The following KIRREL3 variants were observed in gnomAD, a reference collection of about 807,000 sequenced individuals.
The protein encoded by KIRREL3 is kin of IRRE-like protein 3.
Under a neutral mutation model 89.7 loss-of-function variants are expected in KIRREL3, and 36 were observed. The observed-to-expected ratio is 0.40, with a 90% CI of 0.31 to 0.53. The LOEUF is 0.53. KIRREL3 is among the 20% of genes least tolerant of loss of function. The pLI is 0.49. For missense variants in KIRREL3, 864 were observed against 1,056.6 expected (o/e 0.82, Z 2.53); for synonymous variants, 445 against 441.4 (o/e 1.01, Z -0.10).
chr11:126,702,465 G>A (rs1210491282), intron 1 of KIRREL3, among the ~76,000 whole-genome samples: 3 of 152,186 alleles, frequency 2.0e-5, no homozygotes, highest in Admixed American at 2.0e-4. Flanking sequence ...ATGCTCCAAT[G>A]ACAGAGCCTC....
intron 1 of KIRREL3, among the ~76,000 whole-genome samples, chr11:126,720,250 G>A (rs542497639): frequency 1.3e-5 from 2 of 152,222 alleles, no homozygotes; most frequent in African/African-American, 4.8e-5. Flanking sequence ...GCTCAAAATA[G>A]TAGGTGCCAA....
chr11:126,919,105 G>A (rs1483509231), intron 1 of KIRREL3, among the ~76,000 whole-genome samples: 1 of 151,758 alleles, frequency 6.6e-6, no homozygotes, highest in Non-Finnish European at 1.5e-5. Flanking sequence ...CATCAACTTA[G>A]GTTTTCATAC....
chr11:126,822,349 G>GT lies in KIRREL3; in HGVS notation c.55+178105dup, dbSNP rs1943254002. Reference sequence around the variant, plus strand: ...AACATAACTATGCTTATTATTTGTTGTATGGGAAGGAGAAGGAGCCTTGGT... The same window carrying GT: ...AACATAACTATGCTTATTATTTGTTGTTATGGGAAGGAGAAGGAGCCTTGGT... On this transcript the variant is annotated intron_variant, in intron 1 of 16. Transcript: ENST00000525144. 1.3e-5 allele frequency among the ~76,000 whole-genome samples: 2 copies of GT among 152,172 alleles called. 1 individual carries two copies. Among genetic ancestry groups the GT allele is most frequent in the South Asian group, 4.2e-4 (2 of 4,818 alleles).
At chr11:126,893,252 C>T (rs1374427403) in intron 1 of KIRREL3, among the ~76,000 whole-genome samples, 1 of 152,126 alleles carries the variant, frequency 6.6e-6, no homozygotes, top group Non-Finnish European at 1.5e-5. Flanking sequence ...TGTCTGATGC[C>T]CCGGAACGTC....
intron 1 of KIRREL3, among the ~76,000 whole-genome samples, chr11:126,966,272 G>A (rs932116207): frequency 6.6e-6 from 1 of 152,136 alleles, no homozygotes; most frequent in African/African-American, 2.4e-5. Flanking sequence ...ATTTAATAAT[G>A]TAAAAGGAAA....
chr11:126,857,339 CTTGCAGAGAACAGGAA>C (rs1350849513), intron 1 of KIRREL3, among the ~76,000 whole-genome samples: 1 of 152,270 alleles, frequency 6.6e-6, no homozygotes, highest in Non-Finnish European at 1.5e-5. Context: ...CCTGCCCCAA[CTTGCAGAGAACAGGAA>C]TTGCTTGGCA....
chr11:126,830,295 A>G lies in KIRREL3; in HGVS notation c.55+170160T>C, dbSNP rs1943562784. On this transcript the variant is annotated intron_variant, in intron 1 of 16. Transcript: ENST00000525144. The surrounding 1 kb of genome is among the most constrained non-coding windows in gnomAD (Gnocchi z 4.9). ...GCAGCTGCAAATATTCATTAATAAT[A>G]TTTTGTTTGGGTTCCCACTTGCCAC... Among the ~76,000 whole-genome samples the G allele has an allele frequency of 6.6e-6, 1 of 152,310 alleles. No individual in the cohort carries two copies. The highest frequency in any genetic ancestry group is 1.5e-5 in the Non-Finnish European group (1 of 68,028).
rs1424310929 is a variant in KIRREL3, at chr11:126,601,533, T to C, written c.56-38621A>G. Among the ~76,000 whole-genome samples the C allele has an allele frequency of 1.3e-5, 2 of 152,204 alleles. No homozygotes were observed. Among genetic ancestry groups the C allele is most frequent in the Non-Finnish European group, 2.9e-5 (2 of 68,036 alleles). Reference sequence around the variant, plus strand: ...AATTTACCTTTGAATTTGAAGGCTATTTTCTTCCTAAATGGCTAATTATGG... The same window carrying C: ...AATTTACCTTTGAATTTGAAGGCTACTTTCTTCCTAAATGGCTAATTATGG... On this transcript the variant is annotated intron_variant, in intron 1 of 16. Coordinates refer to ENST00000525144, the MANE Select transcript of KIRREL3 (RefSeq NM_032531.4). This position sits in a 1 kb window ranked among gnomAD's most constrained non-coding sequence, Gnocchi z 5.8.
chr11:126,834,314 T>G (rs1943706355), intron 1 of KIRREL3, among the ~76,000 whole-genome samples: 1 of 152,196 alleles, frequency 6.6e-6, no homozygotes, highest in Admixed American at 6.5e-5. Flanking sequence ...TCCACACAAC[T>G]GCAGCCACCA....
chr11:126,910,080 G>A (rs2134897919), intron 1 of KIRREL3, among the ~76,000 whole-genome samples: 1 of 152,176 alleles, frequency 6.6e-6, no homozygotes, highest in East Asian at 1.9e-4. Context: ...ACCCAACTTG[G>A]CCCTGAGTCC....
chr11:126,707,478 T>C (rs965499855), intron 1 of KIRREL3, among the ~76,000 whole-genome samples: 4 of 152,180 alleles, frequency 2.6e-5, no homozygotes, highest in African/African-American at 9.6e-5. Context: ...AAACACTGCT[T>C]GGTCATATAC....
In KIRREL3 at chr11:126,804,764, T is replaced by G. The variant is rs571645541; in HGVS notation, c.55+195691A>C. ...TAACTGAAAATCATAGATCACAACC[T>G]TTTTTCCAAGCAGTGGCTCACAACC... On this transcript the variant is annotated intron_variant, in intron 1 of 16. Coordinates refer to ENST00000525144, the MANE Select transcript of KIRREL3 (RefSeq NM_032531.4). Among the ~76,000 whole-genome samples the G allele has an allele frequency of 3.9e-5, 6 of 152,252 alleles. No individual in the cohort carries two copies. The South Asian group carries it at 1.2e-3, about 32-fold the overall frequency.
intron 1 of KIRREL3, among the ~76,000 whole-genome samples, chr11:126,833,890 C>A (rs955685663): frequency 6.6e-6 from 1 of 152,294 alleles, no homozygotes; most frequent in Admixed American, 6.5e-5. Context: ...AGAATTAACA[C>A]CCTGCTGCTT....
chr11:126,502,891 G>T (rs1357466909), intron 4 of KIRREL3, among the ~76,000 whole-genome samples: 2 of 152,152 alleles, frequency 1.3e-5, no homozygotes, highest in African/African-American at 4.8e-5. Context: ...TCTTGCGATG[G>T]AATCCATTTA....
chr11:126,606,226 ATAT>A lies in KIRREL3; in HGVS notation c.56-43317_56-43315del, dbSNP rs1383200413. ...AGTCACTAGTATTATTAATGTTAAA[ATAT>A]TATTTTTATGAAGGCACAGTTTAGT... On this transcript the variant is annotated intron_variant, in intron 1 of 16. Transcript: ENST00000525144. The surrounding 1 kb of genome is among the most constrained non-coding windows in gnomAD (Gnocchi z 4.6). Among the ~76,000 whole-genome samples the A allele has an allele frequency of 6.6e-6, 1 of 152,176 alleles. No individual in the cohort carries two copies. Among genetic ancestry groups the A allele is most frequent in the Non-Finnish European group, 1.5e-5 (1 of 68,030 alleles).
Position 126,530,848 on chromosome 11 carries a change from T to G in KIRREL3, c.134-4161A>C, listed in dbSNP as rs1446312518. Among the ~76,000 whole-genome samples the G allele has an allele frequency of 6.6e-6, 1 of 152,104 alleles. No individual in the cohort carries two copies. Among genetic ancestry groups the G allele is most frequent in the African/African-American group, 2.4e-5 (1 of 41,404 alleles). On this transcript the variant is annotated intron_variant, in intron 2 of 16. Transcript: ENST00000525144. The surrounding 1 kb of genome is among the most constrained non-coding windows in gnomAD (Gnocchi z 5.8). ...TTTATTTTTATTTTTCTTTTTTTTT[T>G]GAGACGGAGTCTGACTTTGTTGCCC... is the stretch of plus-strand genomic sequence containing the variant.
rs1000224506 is a variant in KIRREL3 at position 126,686,809 on chromosome 11, C to T, written c.56-123897G>A. Among the ~76,000 whole-genome samples, 2 of 152,158 alleles carry T rather than the reference C, an allele frequency of 1.3e-5. No homozygotes were observed. Among genetic ancestry groups the T allele is most frequent in the Non-Finnish European group, 2.9e-5 (2 of 68,020 alleles). ...GGCCAGGCTGGTCTCGAACTCCTGACCTCAAGTGATTCACCCACCTTGGCC... is the reference window on the plus strand; with the variant it reads ...GGCCAGGCTGGTCTCGAACTCCTGATCTCAAGTGATTCACCCACCTTGGCC... On this transcript the variant is annotated intron_variant, in intron 1 of 16. Transcript: ENST00000525144. The surrounding 1 kb of genome is among the most constrained non-coding windows in gnomAD (Gnocchi z 4.7).
At chr11:126,536,337 A>T (rs769260667) in intron 2 of KIRREL3, among the ~76,000 whole-genome samples, 4 of 151,968 alleles carry the variant, frequency 2.6e-5, no homozygotes, top group Non-Finnish European at 4.4e-5. Context: ...CTGGGATCTG[A>T]CTCAGAGGAG....
At chr11:126,460,933 C>T (rs553566032) in intron 6 of KIRREL3, among the ~76,000 whole-genome samples, 80 of 152,302 alleles carry the variant, frequency 5.3e-4, no homozygotes, top group African/African-American at 1.8e-3. Context: ...AGGTTGGGGA[C>T]AGGCTGGGGA....
Sources: allele counts gnomAD v4.1 joint callset (sites outside exome capture counted in the v4.1 genomes callset), GRCh38; gene constraint gnomAD v4.1.1; non-coding constraint Gnocchi (gnomAD v3.1); transcripts MANE v1.5; gene names NCBI Gene and HGNC (gene_info 2026-07-23, HGNC 2026-07-21).